The following CAPS2 variants were observed in gnomAD, a reference collection of about 807,000 sequenced individuals.
CAPS2 encodes calcyphosin-2.
A neutral mutation model predicts 86.5 loss-of-function variants in CAPS2; 98 were observed. The ratio of observed to expected loss-of-function variants is 1.13; its 90% CI spans 0.96 to 1.34. The LOEUF is 1.34. Ranked by LOEUF, CAPS2 falls within the 40% of genes most tolerant of loss-of-function variation. CAPS2 has a pLI of 0.00. For missense variants in CAPS2, 729 were observed against 686.8 expected (o/e 1.06, Z -0.69); for synonymous variants, 210 against 225.1 (o/e 0.93, Z 0.60).
At chr12:75,354,342 A>T (rs890031576) in intron 1 of CAPS2, among the ~76,000 whole-genome samples, 2 of 152,128 alleles carry the variant, frequency 1.3e-5, no homozygotes, top group Non-Finnish European at 2.9e-5. Flanking sequence ...CCAACAACAG[A>T]CAAGCAGAAA....
chr12:75,304,917 A>G, intron 7 of CAPS2, 41 bp from the exon 8 acceptor site: 1 of 1,589,120 alleles, frequency 6.3e-7, no homozygotes, highest in Non-Finnish European at 8.5e-7. Flanking sequence ...AAATATGATC[A>G]TGCATTACTT....
At chr12:75,286,103 G>C (rs1221777427) in intron 14 of CAPS2, among the ~76,000 whole-genome samples, 1 of 151,950 alleles carries the variant, frequency 6.6e-6, no homozygotes, top group Non-Finnish European at 1.5e-5. Flanking sequence ...CAAGTTGTTA[G>C]CTTTAAATGT....
intron 6 of CAPS2, among the ~76,000 whole-genome samples, chr12:75,315,093 T>A (rs2039619783): frequency 6.6e-6 from 1 of 152,120 alleles, no homozygotes; most frequent in South Asian, 2.1e-4. Flanking sequence ...AACGTTTCCT[T>A]AGGGGAAGGA....
chr12:75,356,403 A>G (rs2043159731), intron 1 of CAPS2, among the ~76,000 whole-genome samples: 1 of 152,174 alleles, frequency 6.6e-6, no homozygotes, highest in Non-Finnish European at 1.5e-5. Flanking sequence ...AAATAAATGT[A>G]TTGTGATATT....
chr12:75,363,151 C>G, intron 1 of CAPS2: 1 of 1,553,660 alleles, frequency 6.4e-7, no homozygotes, highest in Non-Finnish European at 8.6e-7. Context: ...ATCTTGCTCT[C>G]TCTGCTCAAA....
At chr12:75,329,639 AAG>A (rs1466903475), upstream of CAPS2, among the ~76,000 whole-genome samples, 1 of 152,228 alleles carries the variant, frequency 6.6e-6, no homozygotes, top group Non-Finnish European at 1.5e-5. Context: ...GAAAAAAAGA[AAG>A]AGATGTAAAT....
chr12:75,305,994 GCCT>G lies in CAPS2; in HGVS notation c.660-1121_660-1119del, dbSNP rs2038434198. ...CTGAGCAACAGCAGGGTCCTGACAG[GCCT>G]CCTGCTCATGATCCTGAGCCTCATT... On this transcript the variant is annotated intron_variant, in intron 7 of 16. Transcript: ENST00000393284. 5 of 1,448,402 alleles carry G rather than the reference GCCT, an allele frequency of 3.5e-6. No homozygotes were observed. The Admixed American group carries it at 7.6e-5, about 22-fold the overall frequency. 89.7% of individuals were successfully genotyped at this position (1,448,402 alleles called of 1,614,324 possible).
intron 1 of CAPS2, among the ~76,000 whole-genome samples, chr12:75,389,154 G>A: frequency 6.6e-6 from 1 of 152,130 alleles, no homozygotes; most frequent in East Asian, 1.9e-4. Context: ...TATTGTCCAA[G>A]CATTTTAAAT....
chr12:75,322,675 T>C (rs2040413974), intron 4 of CAPS2, among the ~76,000 whole-genome samples: 1 of 152,164 alleles, frequency 6.6e-6, no homozygotes, highest in Non-Finnish European at 1.5e-5. Flanking sequence ...CATGAATCAG[T>C]TTCCAAGAGA....
chr12:75,298,968 T>G lies in CAPS2; in HGVS notation c.855-2A>C. On this transcript the variant is annotated splice_acceptor_variant, in intron 9 of 16. Coordinates refer to ENST00000393284, the Ensembl canonical transcript of CAPS2. LOFTEE classifies it high-confidence loss of function. ...TCTCTGCAAGCATCACGTCCATTAC[T>G]GGAAAAATAGAATGAAATCAAACAT... is the stretch of plus-strand genomic sequence containing the variant. The G allele has an allele frequency of 1.3e-6, 2 of 1,563,492 alleles. No homozygotes were observed. The highest frequency in any genetic ancestry group is 1.4e-5 in the African/African-American group (1 of 72,672).
intron 14 of CAPS2, among the ~76,000 whole-genome samples, chr12:75,289,014 T>A (rs1393775580): frequency 6.6e-6 from 1 of 152,178 alleles, no homozygotes. Flanking sequence ...AAACCCAGTA[T>A]GTGAAGATCT....
chr12:75,280,993 C>T (rs2033843200), intron 16 of CAPS2, among the ~76,000 whole-genome samples: 1 of 151,712 alleles, frequency 6.6e-6, no homozygotes, highest in African/African-American at 2.4e-5. Flanking sequence ...AAAGAAATTG[C>T]TCATAAAATA....
intron 1 of CAPS2, among the ~76,000 whole-genome samples, chr12:75,377,430 T>A (rs1256611665): frequency 6.6e-6 from 1 of 152,190 alleles, no homozygotes; most frequent in African/African-American, 2.4e-5. Flanking sequence ...AAGCCAGCAG[T>A]GGCTCAGCCC....
chr12:75,324,574 A>G (rs572671447), intron 2 of CAPS2, among the ~76,000 whole-genome samples: 1 of 152,156 alleles, frequency 6.6e-6, no homozygotes, highest in Non-Finnish European at 1.5e-5. Flanking sequence ...CTTTATGTCA[A>G]GATGAGCATA....
chr12:75,343,367 A>G (rs1263399259), intron 1 of CAPS2, among the ~76,000 whole-genome samples: 3 of 151,994 alleles, frequency 2.0e-5, no homozygotes, highest in Non-Finnish European at 4.4e-5. Context: ...ATTGTAATAA[A>G]TTAACATGAC....
At chr12:75,358,783 T>C (rs1006919874) in intron 1 of CAPS2, among the ~76,000 whole-genome samples, 2 of 143,890 alleles carry the variant, frequency 1.4e-5, no homozygotes, top group Admixed American at 7.1e-5. Context: ...ATATATATAA[T>C]ATATAACAAT....
upstream of CAPS2, chr12:75,329,745 C>T (rs2041123690): frequency 8.7e-7 from 1 of 1,152,012 alleles, no homozygotes; most frequent in East Asian, 2.8e-5. Flanking sequence ...AAACTTAGGT[C>T]ATTCCTAATT....
intron 1 of CAPS2, among the ~76,000 whole-genome samples, chr12:75,357,639 T>C (rs191321188): frequency 6.6e-6 from 1 of 152,174 alleles, no homozygotes; most frequent in Non-Finnish European, 1.5e-5. Context: ...TTTAAATGTA[T>C]TAAAATAATA....
intron 4 of CAPS2, chr12:75,322,808 C>A (rs2040424347): frequency 7.4e-6 from 4 of 539,702 alleles, no homozygotes; most frequent in South Asian, 5.4e-5. Context: ...TTTTAAAATA[C>A]CAATTTCCAT....
Sources: allele counts gnomAD v4.1 joint callset (sites outside exome capture counted in the v4.1 genomes callset), GRCh38; gene constraint gnomAD v4.1.1; transcripts MANE v1.5; gene names NCBI Gene and HGNC (gene_info 2026-07-23, HGNC 2026-07-21).